RBFOX1: variants seen among roughly 807,000 people sequenced by gnomAD.
RBFOX1 encodes the protein RNA binding protein fox-1 homolog 1.
RBFOX1 carries 8 observed loss-of-function variants against 57.7 expected under a neutral mutation model. The observed-to-expected ratio is 0.14, with a 90% CI of 0.08 to 0.25. RBFOX1 has a LOEUF of 0.25. Ranked by LOEUF, RBFOX1 falls within the 10% of genes least tolerant of loss-of-function variation. RBFOX1 has a pLI of 1.00. For synonymous variants in RBFOX1, 326 were observed against 222.4 expected, an observed-to-expected ratio of 1.47 and a Z score of -4.15; for missense variants, 611 against 548.5, an observed-to-expected ratio of 1.11 and a Z score of -1.14.
chr16:6,475,418 G>A (rs558189532), intron 2 of RBFOX1, among the ~76,000 whole-genome samples: 73 of 152,250 alleles, frequency 4.8e-4, no homozygotes, highest in African/African-American at 1.7e-3. Context: ...CAGGAATGAG[G>A]GTCATTCACC....
chr16:6,883,451 T>G (rs2063354202), intron 3 of RBFOX1, among the ~76,000 whole-genome samples: 1 of 152,224 alleles, frequency 6.6e-6, no homozygotes, highest in African/African-American at 2.4e-5. Context: ...TACAAGATTT[T>G]ATTTGATTGC....
chr16:7,036,719 CAAAA>C (rs1481626851), intron 3 of RBFOX1, among the ~76,000 whole-genome samples: 1 of 119,584 alleles, frequency 8.4e-6, no homozygotes, highest in African/African-American at 2.6e-5. Context: ...ACAAAAAAAA[CAAAA>C]AACAAACAAA....
intron 3 of RBFOX1, among the ~76,000 whole-genome samples, chr16:6,834,851 G>T (rs1034505253): frequency 9.4e-5 from 14 of 148,754 alleles, no homozygotes; most frequent in Admixed American, 7.4e-4. Flanking sequence ...TGGAAGTCAA[G>T]TTCATTTTGG....
chr16:6,744,968 C>T (rs1035502417), intron 3 of RBFOX1, among the ~76,000 whole-genome samples: 1 of 151,784 alleles, frequency 6.6e-6, no homozygotes, highest in Admixed American at 6.6e-5. Context: ...GGAGAAGATA[C>T]AAATTACCAA....
chr16:5,586,258 G>T (rs1169978961), intron 2 of RBFOX1, among the ~76,000 whole-genome samples: 2 of 152,268 alleles, frequency 1.3e-5, no homozygotes, highest in Admixed American at 1.3e-4. Context: ...AACTATGAGA[G>T]AATACATTTC....
intron 1 of RBFOX1, among the ~76,000 whole-genome samples, chr16:6,154,280 G>C (rs1250095445): frequency 6.6e-6 from 1 of 152,184 alleles, no homozygotes; most frequent in Non-Finnish European, 1.5e-5. Flanking sequence ...GCTTTTAAAG[G>C]TAATGGCAAA....
chr16:6,634,537 AT>A (rs917261453), intron 2 of RBFOX1, among the ~76,000 whole-genome samples: 1 of 148,274 alleles, frequency 6.7e-6, no homozygotes, highest in African/African-American at 2.4e-5. Context: ...ATACTTTTAT[AT>A]TTTTTAATTT....
intron 7 of RBFOX1, among the ~76,000 whole-genome samples, chr16:7,589,254 AATATGTTTAATTT>A (rs1384700786): frequency 2.0e-5 from 3 of 152,136 alleles, no homozygotes; most frequent in Non-Finnish European, 4.4e-5. Context: ...GTTGTTTTTT[AATATGTTTAATTT>A]ATATTTTGTT....
intron 11 of RBFOX1, among the ~76,000 whole-genome samples, chr16:7,638,379 G>A (rs186325895): frequency 6.6e-6 from 1 of 151,656 alleles, no homozygotes; most frequent in East Asian, 2.0e-4. Context: ...TTTGAACCAA[G>A]CCTGTTTAAA....
intron 4 of RBFOX1, among the ~76,000 whole-genome samples, chr16:7,252,991 A>G (rs2094548684): frequency 6.6e-6 from 1 of 152,308 alleles, no homozygotes; most frequent in Non-Finnish European, 1.5e-5. Context: ...GAAGTTCAGC[A>G]TCTTGAGCCT....
Position 5,935,308 on chromosome 16 carries a change from C to T in RBFOX1, c.351+67973C>T, listed in dbSNP as rs548588574. 5.5e-4 allele frequency among the ~76,000 whole-genome samples: 84 copies of T among 152,284 alleles called. 1 individual carries two copies. The highest frequency in any genetic ancestry group is 1.9e-3 in the African/African-American group (79 of 41,554). On this transcript the variant is annotated intron_variant, in intron 4 of 19. Coordinates refer to the RBFOX1 transcript ENST00000641259. ...CAAGAGTAGGGGGCAGGCCATGCCACATGGGGCCACATGGGGACACACGAG... is the reference window on the plus strand; with the variant it reads ...CAAGAGTAGGGGGCAGGCCATGCCATATGGGGCCACATGGGGACACACGAG...
At chr16:6,117,614 C>T (rs1412273462) in intron 1 of RBFOX1, among the ~76,000 whole-genome samples, 1 of 152,268 alleles carries the variant, frequency 6.6e-6, no homozygotes, top group South Asian at 2.1e-4. Context: ...CACAGCATTC[C>T]TCTCCTCTGG....
intron 5 of RBFOX1, among the ~76,000 whole-genome samples, chr16:7,551,100 A>C (rs1033379248): frequency 1.3e-5 from 2 of 151,454 alleles, no homozygotes; most frequent in Non-Finnish European, 2.9e-5. Context: ...AAAAAAAAAA[A>C]AAAAAGAAAA....
At chr16:6,519,862 C>G (rs187038048) in intron 2 of RBFOX1, among the ~76,000 whole-genome samples, 52 of 152,304 alleles carry the variant, frequency 3.4e-4, no homozygotes, top group African/African-American at 1.2e-3. Context: ...GATGAAAGGA[C>G]TTAACCAGAA....
intron 4 of RBFOX1, among the ~76,000 whole-genome samples, chr16:7,394,152 C>G (rs1303357969): frequency 7.4e-6 from 1 of 135,852 alleles, no homozygotes; most frequent in Admixed American, 8.4e-5. Context: ...AGGAGAATTG[C>G]TTGAACCCAG....
At chr16:6,136,209 C>T (rs936926485) in intron 1 of RBFOX1, among the ~76,000 whole-genome samples, 1 of 152,110 alleles carries the variant, frequency 6.6e-6, no homozygotes, top group Non-Finnish European at 1.5e-5. Flanking sequence ...GATTCGGAGG[C>T]GATGTGTACT....
intron 2 of RBFOX1, chr16:6,577,122 C>T (rs1389433915): frequency 2.0e-5 from 3 of 152,168 alleles, no homozygotes. Context: ...ACATTGGATG[C>T]TACATGTTAA....
chr16:5,283,045 C>G (rs752853190), intron 1 of RBFOX1, among the ~76,000 whole-genome samples: 7 of 152,186 alleles, frequency 4.6e-5, no homozygotes, highest in Non-Finnish European at 1.0e-4. Context: ...GTCCTAGCCA[C>G]TCCAGCTGCA....
chr16:5,680,181 C>T lies in RBFOX1; in HGVS notation c.318+81220C>T, dbSNP rs556113474. ...AAGGTACAAAAACACATGAGCTGTGCTTGCAGGGGCATTGCTGCAGGACAC... is the reference window on the plus strand; with the variant it reads ...AAGGTACAAAAACACATGAGCTGTGTTTGCAGGGGCATTGCTGCAGGACAC... On this transcript the variant is annotated intron_variant, in intron 3 of 19. Transcript: ENST00000641259. Among the ~76,000 whole-genome samples the T allele has an allele frequency of 3.3e-5, 5 of 152,258 alleles. No homozygotes were observed. In the South Asian group the frequency reaches 1.0e-3, roughly 32 times the overall value.
Sources: gnomAD v4.1 joint callset for allele counts (sites outside exome capture counted in the v4.1 genomes callset) on GRCh38, gnomAD v4.1.1 for gene constraint, MANE v1.5 for transcripts, NCBI Gene and HGNC (gene_info 2026-07-23, HGNC 2026-07-21) for gene names.